Variants in FAM117B observed in about 807,000 individuals in gnomAD.
FAM117B encodes family with sequence similarity 117 member B.
A neutral mutation model predicts 52.8 loss-of-function variants in FAM117B; 22 were observed. That is an observed-to-expected ratio of 0.42 (90% CI 0.30 to 0.59). FAM117B has a LOEUF of 0.59. Ranked by LOEUF, FAM117B falls within the 20% of genes least tolerant of loss-of-function variation. The pLI, the probability that FAM117B is intolerant of heterozygous loss-of-function variation, is 0.22. For missense variants in FAM117B, 678 were observed against 802.6 expected, an observed-to-expected ratio of 0.84 and a Z score of 1.88; for synonymous variants, 309 against 324.1, an observed-to-expected ratio of 0.95 and a Z score of 0.50.
At chr2:202,688,427 G>A (rs981762818) in intron 1 of FAM117B, among the ~76,000 whole-genome samples, 10 of 151,974 alleles carry the variant, frequency 6.6e-5, no homozygotes, top group Non-Finnish European at 8.8e-5. Flanking sequence ...AATTTTACAA[G>A]AAGGTAATTA....
intron 1 of FAM117B, among the ~76,000 whole-genome samples, chr2:202,653,242 T>C (rs1689982590): frequency 6.6e-6 from 1 of 152,204 alleles, no homozygotes; most frequent in Non-Finnish European, 1.5e-5. Context: ...CACTCCTGCC[T>C]GGGCAACAGA....
intron 2 of FAM117B, among the ~76,000 whole-genome samples, chr2:202,700,742 A>G (rs191087177): frequency 1.3e-5 from 2 of 148,622 alleles, no homozygotes; most frequent in Non-Finnish European, 3.0e-5. Context: ...GCTGGAGTGC[A>G]GTAATGCAGT....
intron 4 of FAM117B, among the ~76,000 whole-genome samples, chr2:202,753,190 G>A (rs1424533464): frequency 6.6e-6 from 1 of 152,054 alleles, no homozygotes; most frequent in Non-Finnish European, 1.5e-5. Context: ...AACGGAGCAG[G>A]ACAGAGACCT....
intron 2 of FAM117B, among the ~76,000 whole-genome samples, chr2:202,704,205 TAAAG>T (rs1236281333): frequency 6.6e-6 from 1 of 152,146 alleles, no homozygotes; most frequent in African/African-American, 2.4e-5. Flanking sequence ...GAAGATTAAA[TAAAG>T]AAAACATATA....
intron 1 of FAM117B, among the ~76,000 whole-genome samples, chr2:202,659,604 CTTTTTTTTT>C (rs71030981): frequency 2.3e-3 from 142 of 62,294 alleles, no homozygotes; most frequent in Middle Eastern, 0.012. Context: ...AGCCACCGTG[CTTTTTTTTT>C]TTTTTTTTTT....
rs946788320 is a variant in FAM117B at position 202,726,936 on chromosome 2, TA to T, written c.960+580del. On this transcript the variant is annotated intron_variant, in intron 4 of 7. Coordinates refer to ENST00000392238, the MANE Select transcript of FAM117B (RefSeq NM_173511.4). ...GTACCCTAGAATTTAAAGTATAATT[TA>T]AAAAAATGTAAAAAAAAAAATAGCT... Among the ~76,000 whole-genome samples, 9 of 151,722 alleles carry T rather than the reference TA, an allele frequency of 5.9e-5. No individual in the cohort carries two copies. In the East Asian group the frequency reaches 1.7e-3, roughly 29 times the overall value.
At chr2:202,645,111 C>CT (rs910780974) in intron 1 of FAM117B, among the ~76,000 whole-genome samples, 30 of 151,906 alleles carry the variant, frequency 2.0e-4, no homozygotes, top group African/African-American at 7.0e-4. Flanking sequence ...GTTTGCATTT[C>CT]TTTTTTATTA....
intron 2 of FAM117B, among the ~76,000 whole-genome samples, chr2:202,709,294 C>G (rs1026722617): frequency 2.0e-5 from 3 of 151,952 alleles, no homozygotes; most frequent in Non-Finnish European, 4.4e-5. Context: ...CCTCTGCCTC[C>G]CGGGTTCAAG....
intron 1 of FAM117B, among the ~76,000 whole-genome samples, chr2:202,654,857 C>T (rs1030773062): frequency 2.6e-5 from 4 of 151,808 alleles, no homozygotes; most frequent in African/African-American, 7.3e-5. Flanking sequence ...GCATTTATTT[C>T]TTTTTCTCTT....
intron 2 of FAM117B, among the ~76,000 whole-genome samples, chr2:202,714,533 C>CTTTTTTTTTTTTTTTTT (rs1034689626): frequency 8.5e-6 from 1 of 117,656 alleles, no homozygotes; most frequent in Non-Finnish European, 1.7e-5. Context: ...TTTTTTTTTT[C>CTTTTTTTTTTTTTTTTT]TTTTTTTTTT....
chr2:202,680,271 G>T (rs186142236), intron 1 of FAM117B, among the ~76,000 whole-genome samples: 77 of 152,270 alleles, frequency 5.1e-4, no homozygotes, highest in East Asian at 3.1e-3. Context: ...AAAAAAGTCT[G>T]ACAAGGGAGA....
Position 202,715,845 on chromosome 2 carries a change from C to T in FAM117B, c.754-9072C>T, listed in dbSNP as rs1022531413. 3.9e-5 allele frequency among the ~76,000 whole-genome samples: 6 copies of T among 152,070 alleles called. No individual in the cohort carries two copies. The East Asian group carries it at 7.7e-4, about 20-fold the overall frequency. On this transcript the variant is annotated intron_variant, in intron 2 of 7. Coordinates refer to ENST00000392238, the MANE Select transcript of FAM117B (RefSeq NM_173511.4). ...CTGCAATCCCGGCACCTCGGGAGGC[C>T]GAGGCTGGCGGATCACTTGCGGTTA...
intron 1 of FAM117B, among the ~76,000 whole-genome samples, chr2:202,655,751 A>AGTGTGTGTGT (rs1690045510): frequency 7.6e-6 from 1 of 132,048 alleles, no homozygotes. Context: ...AGAGAGAGAG[A>AGTGTGTGTGT]GAGAGAGAGA....
chr2:202,765,392 T>A, intron 7 of FAM117B, 54 bp from the exon 8 acceptor site: 3 of 1,469,074 alleles, frequency 2.0e-6, no homozygotes, highest in Non-Finnish European at 1.8e-6. Context: ...TTTTTTTTTT[T>A]TATTTTTTAA....
At chr2:202,695,454 A>G (rs968675363) in intron 1 of FAM117B, among the ~76,000 whole-genome samples, 4 of 152,084 alleles carry the variant, frequency 2.6e-5, no homozygotes, top group African/African-American at 7.2e-5. Context: ...CACGTTGTCT[A>G]TGCTCCCTAC....
intron 1 of FAM117B, among the ~76,000 whole-genome samples, chr2:202,671,554 T>C (rs185248760): frequency 6.6e-6 from 1 of 152,336 alleles, no homozygotes; most frequent in Admixed American, 6.5e-5. Context: ...TGCTGAGAAA[T>C]TGTCTGGAGA....
intron 1 of FAM117B, among the ~76,000 whole-genome samples, chr2:202,682,374 A>G (rs1251830949): frequency 1.3e-5 from 2 of 152,094 alleles, no homozygotes; most frequent in African/African-American, 4.8e-5. Flanking sequence ...CCTACCCTAG[A>G]TGGTGTCTCG....
chr2:202,644,597 T>G (rs867135100), intron 1 of FAM117B, among the ~76,000 whole-genome samples: 3 of 152,174 alleles, frequency 2.0e-5, no homozygotes, highest in African/African-American at 7.2e-5. Flanking sequence ...TTTGCTGGAG[T>G]GCATTTTCCA....
At chr2:202,666,463 G>C (rs1383389387) in intron 1 of FAM117B, among the ~76,000 whole-genome samples, 1 of 151,608 alleles carries the variant, frequency 6.6e-6, no homozygotes, top group African/African-American at 2.4e-5. Flanking sequence ...CAGACAGAAG[G>C]CTTGAAGAGT....
Sources: gnomAD v4.1 joint callset for allele counts (sites outside exome capture counted in the v4.1 genomes callset) on GRCh38, gnomAD v4.1.1 for gene constraint, MANE v1.5 for transcripts, NCBI Gene and HGNC (gene_info 2026-07-23, HGNC 2026-07-21) for gene names.